DNAH8: variants seen among roughly 807,000 people sequenced by gnomAD.
DNAH8 encodes dynein axonemal heavy chain 8, also known as axonemal beta dynein heavy chain 8.
In DNAH8, 382 loss-of-function variants were observed where a neutral mutation model predicts 562.1. The observed-to-expected ratio is 0.68, with a 90% CI of 0.63 to 0.74. The LOEUF is 0.74. Among genes scored for constraint, DNAH8 ranks in the 30% least tolerant of loss-of-function variants. The probability of loss-of-function intolerance (pLI) is 0.00; values close to 1 mark genes in which losing one functional copy is unlikely to be tolerated. For missense variants in DNAH8, 5,203 were observed against 5,620.4 expected, an observed-to-expected ratio of 0.93 and a Z score of 2.37; for synonymous variants, 1,881 against 1,919.4, an observed-to-expected ratio of 0.98 and a Z score of 0.52.
At position 38,938,826 on chromosome 6, in the gene DNAH8, A is replaced by G. The variant is rs1783196057; in HGVS notation, c.11845A>G (p.Arg3949Gly). Residue 3949 changes from arginine to glycine, a missense_variant, in exon 79 of 93, where the codon AGA (arginine) becomes GGA (glycine). By Grantham distance (125) the Arg-to-Gly change is moderately radical (BLOSUM62 -2). Coordinates refer to ENST00000327475, the MANE Select transcript of DNAH8 (RefSeq NM_001206927.2). ...RSEKSPLPQK[R>G]ITNIIEYLTY... is the part of the protein sequence containing the mutation. ...TGAAAAGTCACCACTACCTCAAAAG[A>G]GAATTACAAATATTATCGAGTACCT... 6.2e-7 allele frequency: 1 copy of G among 1,610,840 alleles called. No homozygotes were observed. The highest frequency in any genetic ancestry group is 2.2e-5 in the East Asian group (1 of 44,848).
intron 58 of DNAH8, among the ~76,000 whole-genome samples, chr6:38,891,642 C>G (rs1779348109): frequency 1.3e-5 from 2 of 152,216 alleles, no homozygotes; most frequent in Non-Finnish European, 2.9e-5. Flanking sequence ...GGCCTTTGCA[C>G]ATGCCATTGC....
At chr6:38,947,881 A>G (rs574499629) in intron 80 of DNAH8, among the ~76,000 whole-genome samples, 33 of 152,056 alleles carry the variant, frequency 2.2e-4, no homozygotes, top group African/African-American at 8.0e-4. Context: ...CTGAGTAGCT[A>G]GGATTACAGA....
Position 38,886,818 on chromosome 6 carries a change from A to T in DNAH8, c.8287A>T (p.Met2763Leu). 1 of 1,614,090 alleles carries T rather than the reference A, an allele frequency of 6.2e-7. No individual in the cohort carries two copies. Among genetic ancestry groups the T allele is most frequent in the Non-Finnish European group, 8.5e-7 (1 of 1,179,938 alleles). The change falls in exon 57 of 93, where the codon ATG becomes TTG. Residue 2763 changes from methionine (M) to leucine (L), a missense_variant. Physicochemically the swap from Met to Leu is conservative, Grantham distance 15. Transcript: ENST00000327475. ...AACTAATGAGATTGTGCGACAGATG[A>T]TGGAAATGGAAGGAATGTACAGCTT... ...QITNEIVRQM[M>L]EMEGMYSLDK...
Position 38,984,245 on chromosome 6 carries a change from GTACAATA to G in DNAH8, c.12993_12999del (p.Gln4332GlufsTer4). 6.2e-7 allele frequency: 1 copy of G among 1,610,202 alleles called. No homozygotes were observed. Among genetic ancestry groups the G allele is most frequent in the Non-Finnish European group, 8.5e-7 (1 of 1,176,404 alleles). ...TACGGTTCGGTACATGATCGGAGAA[GTACAATA>G]TGGAGGCAGAGTGACAGATGACTTT... On this transcript the variant is annotated frameshift_variant, in exon 87 of 93. Transcript: ENST00000327475. LOFTEE classifies it high-confidence loss of function.
intron 87 of DNAH8, among the ~76,000 whole-genome samples, chr6:38,987,231 C>T (rs1043950709): frequency 1.3e-5 from 2 of 152,214 alleles, no homozygotes; most frequent in African/African-American, 2.4e-5. Context: ...GAAGAAGTGT[C>T]GCTGTCTCAG....
chr6:38,980,457 C>T (rs1424717466), intron 85 of DNAH8, among the ~76,000 whole-genome samples: 1 of 152,196 alleles, frequency 6.6e-6, no homozygotes, highest in Non-Finnish European at 1.5e-5. Context: ...AGGCTATGGC[C>T]TCTGCTCCTC....
chr6:38,797,711 AT>A (rs1172424987), intron 21 of DNAH8, among the ~76,000 whole-genome samples: 3 of 152,112 alleles, frequency 2.0e-5, no homozygotes, highest in Admixed American at 6.6e-5. Flanking sequence ...AGACATGTTA[AT>A]TGTCTTTGTT....
Position 39,030,215 on chromosome 6 carries a change from C to G in DNAH8, c.13947C>G (p.Leu4649=). 2 of 1,614,126 alleles carry G rather than the reference C, an allele frequency of 1.2e-6. No homozygotes were observed. Among genetic ancestry groups the G allele is most frequent in the Non-Finnish European group, 1.7e-6 (2 of 1,180,010 alleles). ...TACTCTTCACGCAGTTACCCGTGCT[C>G]CACATCTTTGCCATTAACTCCACGG... ...PKVLFTQLPV[L]HIFAINSTAP... Residue 4649 remains leucine (L), a synonymous_variant, in exon 93 of 93, where the codon CTC becomes CTG. Coordinates refer to ENST00000327475, the MANE Select transcript of DNAH8 (RefSeq NM_001206927.2).
intron 89 of DNAH8, among the ~76,000 whole-genome samples, chr6:39,011,153 AC>A (rs1271460029): frequency 1.3e-5 from 2 of 148,872 alleles, no homozygotes; most frequent in Non-Finnish European, 3.0e-5. Flanking sequence ...TCTTTCACTC[AC>A]TAGAAACAAC....
At chr6:38,746,425 A>C (rs1248755750) in intron 8 of DNAH8, among the ~76,000 whole-genome samples, 2 of 152,100 alleles carry the variant, frequency 1.3e-5, no homozygotes, top group Non-Finnish European at 2.9e-5. Flanking sequence ...TGGGATCAGC[A>C]CTTCTCCAAG....
chr6:39,024,362 G>A (rs997219411), intron 91 of DNAH8, among the ~76,000 whole-genome samples: 2 of 152,148 alleles, frequency 1.3e-5, no homozygotes, highest in Non-Finnish European at 2.9e-5. Context: ...AACCCTACTA[G>A]GATATACAGT....
chr6:38,736,095 G>A (rs956514001), intron 5 of DNAH8, among the ~76,000 whole-genome samples: 7 of 151,848 alleles, frequency 4.6e-5, no homozygotes, highest in Admixed American at 1.3e-4. Flanking sequence ...CTGAGATCAC[G>A]CCACTGCACT....
chr6:38,886,099 T>C (rs1778900062), intron 56 of DNAH8, among the ~76,000 whole-genome samples: 1 of 152,148 alleles, frequency 6.6e-6, no homozygotes, highest in African/African-American at 2.4e-5. Flanking sequence ...GCTAGAGTTA[T>C]AGATATGAGA....
chr6:39,030,088 A>G lies in DNAH8; in HGVS notation c.13837-17A>G. 2 of 1,603,858 alleles carry G rather than the reference A, an allele frequency of 1.2e-6. 1 individual carries two copies. The highest frequency in any genetic ancestry group is 2.2e-5 in the South Asian group (2 of 90,270). On this transcript the variant is annotated splice_polypyrimidine_tract_variant and intron_variant, in intron 92 of 92. Transcript: ENST00000327475. ...TTTAAAAAATAAATCCTATTACCTT[A>G]TGCTTGACTCTTCCAGGAAGGTGTG...
intron 72 of DNAH8, 143 bp from the exon 73 acceptor site, chr6:38,923,848 G>A (rs1781908112): frequency 1.2e-5 from 11 of 927,724 alleles, no homozygotes; most frequent in Middle Eastern, 3.3e-4. Flanking sequence ...CACTTTGCAC[G>A]GTCTTTTTCC....
chr6:38,896,228 A>G lies in DNAH8; in HGVS notation c.8940+3A>G, dbSNP rs867072018. On this transcript the variant is annotated splice_donor_region_variant and intron_variant, in intron 60 of 92. Transcript: ENST00000327475. The stretch of plus-strand genomic sequence containing the variant: ...AAGTACCCAAAATATATGAATTGGT[A>G]TTTATTTTCATCTCTTAAAAGAGGT... 6.2e-7 allele frequency: 1 copy of G among 1,610,498 alleles called. No individual in the cohort carries two copies. Among genetic ancestry groups the G allele is most frequent in the Non-Finnish European group, 8.5e-7 (1 of 1,177,470 alleles).
rs149534301 is a variant in DNAH8 at position 38,780,849 on chromosome 6, T to TA, written c.2140-396dup. Among the ~76,000 whole-genome samples, 1,196 of 151,430 alleles carry TA rather than the reference T, an allele frequency of 7.9e-3. 51 individuals carry two copies. The East Asian group carries it at 0.11, about 14-fold the overall frequency. On this transcript the variant is annotated intron_variant, in intron 15 of 92. Coordinates refer to ENST00000327475, the MANE Select transcript of DNAH8 (RefSeq NM_001206927.2). ...GTAACCCTGAACTTAAAATAAAAGT[T>TA]AAAAAAAAACTATCATATTGCCCCC...
chr6:38,990,287 T>G (rs562804980), intron 88 of DNAH8, 115 bp downstream of exon 88: 97 of 748,436 alleles, frequency 1.3e-4, no homozygotes, highest in Admixed American at 1.1e-3. Flanking sequence ...TTTATTTTAC[T>G]GTGAAAAATA....
intron 70 of DNAH8, among the ~76,000 whole-genome samples, chr6:38,918,536 CAGA>C (rs1279233003): frequency 6.6e-6 from 1 of 152,114 alleles, no homozygotes; most frequent in Admixed American, 6.5e-5. Context: ...ATTTCAAAGA[CAGA>C]AGGAGAACCT....
Sources: allele counts gnomAD v4.1 joint callset (sites outside exome capture counted in the v4.1 genomes callset), GRCh38; gene constraint gnomAD v4.1.1; transcripts MANE v1.5; gene names NCBI Gene and HGNC (gene_info 2026-07-23, HGNC 2026-07-21).